ARB2A: variants seen among roughly 807,000 people sequenced by gnomAD.
ARB2A encodes ARB2 cotranscriptional regulator A, also known as cotranscriptional regulator ARB2A.
the ARB2A span, among the ~76,000 whole-genome samples, chr5:93,803,259 CA>C: frequency 6.6e-6 from 1 of 152,144 alleles, no homozygotes; most frequent in South Asian, 2.1e-4. Flanking sequence ...CAGACAAAAA[CA>C]TTATACATAT....
At chr5:93,848,343 A>C in the ARB2A span, among the ~76,000 whole-genome samples, 671 of 151,980 alleles carry the variant, frequency 4.4e-3, 3 homozygotes, top group Non-Finnish European at 6.6e-3. Flanking sequence ...AGATCGTGCC[A>C]CTGCACTCTA....
At chr5:93,815,777 C>T in the ARB2A span, among the ~76,000 whole-genome samples, 2 of 152,158 alleles carry the variant, frequency 1.3e-5, no homozygotes, top group Non-Finnish European at 2.9e-5. Context: ...AAACCAATTA[C>T]TAGATTTTGT....
At chr5:93,944,785 G>A in the ARB2A span, among the ~76,000 whole-genome samples, 5 of 152,196 alleles carry the variant, frequency 3.3e-5, no homozygotes, top group South Asian at 1.0e-3. Context: ...GAAAATGGAG[G>A]ATACAGATGT....
chr5:93,659,100 A>C, the ARB2A span, among the ~76,000 whole-genome samples: 1 of 152,078 alleles, frequency 6.6e-6, no homozygotes, highest in South Asian at 2.1e-4. Flanking sequence ...AATTTTTATC[A>C]AGTTCCAAGT....
chr5:93,928,950 A>T, the ARB2A span, among the ~76,000 whole-genome samples: 1 of 152,092 alleles, frequency 6.6e-6, no homozygotes, highest in Non-Finnish European at 1.5e-5. Context: ...TCTGTTAAAT[A>T]CTTCAATGTA....
chr5:93,876,270 T>C, the ARB2A span, among the ~76,000 whole-genome samples: 1 of 152,180 alleles, frequency 6.6e-6, no homozygotes, highest in Non-Finnish European at 1.5e-5. Flanking sequence ...TTGAATTCTG[T>C]TGGCAGATGT....
At chr5:93,888,227 T>C in the ARB2A span, among the ~76,000 whole-genome samples, 3 of 151,878 alleles carry the variant, frequency 2.0e-5, no homozygotes, top group East Asian at 5.8e-4. Context: ...ACATTTACCA[T>C]TCATTTTTGA....
the ARB2A span, among the ~76,000 whole-genome samples, chr5:93,627,455 T>C: frequency 6.7e-6 from 1 of 149,794 alleles, no homozygotes; most frequent in African/African-American, 2.5e-5. Context: ...TTTTTTTTTT[T>C]TTTTTTGAGA....
the ARB2A span, chr5:93,805,393 C>G: frequency 1.0e-6 from 1 of 985,134 alleles, no homozygotes; most frequent in Non-Finnish European, 1.2e-6. Context: ...CAGTACCTCA[C>G]AGCAAAACCC....
At chr5:94,053,703 T>C in the ARB2A span, among the ~76,000 whole-genome samples, 1 of 152,220 alleles carries the variant, frequency 6.6e-6, no homozygotes, top group South Asian at 2.1e-4. Flanking sequence ...TTATTTCACA[T>C]AGTTTCTGTT....
chr5:94,015,168 A>G, the ARB2A span, among the ~76,000 whole-genome samples: 3 of 152,144 alleles, frequency 2.0e-5, no homozygotes, highest in African/African-American at 7.2e-5. Flanking sequence ...AGTAAATAAC[A>G]TGTAAAAGAG....
the ARB2A span, among the ~76,000 whole-genome samples, chr5:93,643,773 C>T: frequency 2.0e-5 from 3 of 152,150 alleles, no homozygotes; most frequent in African/African-American, 4.8e-5. Flanking sequence ...GGATTACAGG[C>T]GAGAGCCACC....
At chr5:93,633,779 C>A in the ARB2A span, among the ~76,000 whole-genome samples, 1 of 152,098 alleles carries the variant, frequency 6.6e-6, no homozygotes, top group Non-Finnish European at 1.5e-5. Context: ...AGACTTTACT[C>A]ATCTTCAACA....
chr5:93,790,439 A>T, the ARB2A span, among the ~76,000 whole-genome samples: 1 of 152,232 alleles, frequency 6.6e-6, no homozygotes, highest in Non-Finnish European at 1.5e-5. Context: ...ACATGTACGA[A>T]GGGCTGCTTT....
chr5:93,776,788 TAAATA>T, the ARB2A span, among the ~76,000 whole-genome samples: 10 of 151,814 alleles, frequency 6.6e-5, no homozygotes, highest in East Asian at 1.9e-3. Flanking sequence ...AAAAAATAAA[TAAATA>T]AAATAGATGA....
the ARB2A span, among the ~76,000 whole-genome samples, chr5:93,924,740 C>T: frequency 2.6e-5 from 4 of 152,018 alleles, no homozygotes; most frequent in African/African-American, 2.4e-5. Context: ...AGTAACTACC[C>T]GGAGGATTTA....
At chr5:93,752,075 C>T in the ARB2A span, among the ~76,000 whole-genome samples, 1 of 152,064 alleles carries the variant, frequency 6.6e-6, no homozygotes, top group Non-Finnish European at 1.5e-5. Context: ...GGCATAGAGG[C>T]TAAGCCAGAT....
the ARB2A span, among the ~76,000 whole-genome samples, chr5:93,774,148 G>A: frequency 6.6e-6 from 1 of 152,140 alleles, no homozygotes; most frequent in East Asian, 1.9e-4. Flanking sequence ...AGAAGACGGT[G>A]AACTTAATTG....
the ARB2A span, among the ~76,000 whole-genome samples, chr5:93,968,018 G>A: frequency 7.9e-5 from 12 of 152,196 alleles, no homozygotes; most frequent in South Asian, 2.1e-3. Context: ...AGAACCTAGA[G>A]GAAACTGTAG....
Sources: gnomAD v4.1 joint callset for allele counts (sites outside exome capture counted in the v4.1 genomes callset) on GRCh38, gnomAD v4.1.1 for gene constraint, MANE v1.5 for transcripts, NCBI Gene and HGNC (gene_info 2026-07-23, HGNC 2026-07-21) for gene names.